CDH12: variants seen among roughly 807,000 people sequenced by gnomAD.
The protein encoded by CDH12 is cadherin-12.
CDH12 carries 41 observed loss-of-function variants against 74.1 expected under a neutral mutation model. That is an observed-to-expected ratio of 0.55 (90% confidence interval 0.43 to 0.72). The LOEUF is 0.72. Among genes scored for constraint, CDH12 ranks in the 30% least tolerant of loss-of-function variants. The pLI, the probability that CDH12 is intolerant of heterozygous loss-of-function variation, is 0.00. For synonymous variants in CDH12, 399 were observed against 355.0 expected, an observed-to-expected ratio of 1.12 and a Z score of -1.39; for missense variants, 945 against 977.2, an observed-to-expected ratio of 0.97 and a Z score of 0.44.
At chr5:22,141,127 A>T (rs933177019) in intron 4 of CDH12, 1 of 152,200 alleles carries the variant, frequency 6.6e-6, no homozygotes, top group African/African-American at 2.4e-5. Flanking sequence ...GGTAGCTTAC[A>T]GTGCTCAACA....
intron 1 of CDH12, among the ~76,000 whole-genome samples, chr5:22,767,049 A>G (rs748876620): frequency 6.6e-6 from 1 of 151,996 alleles, no homozygotes. Context: ...ACACACTTAT[A>G]TACTTTTACA....
intron 6 of CDH12, among the ~76,000 whole-genome samples, chr5:21,949,364 G>A (rs59620248): frequency 0.065 from 9,789 of 151,042 alleles, 891 homozygotes; most frequent in African/African-American, 0.2. Flanking sequence ...GCAGGAGAAT[G>A]GCGTGAACCC....
chr5:22,605,102 T>C (rs1448532674), intron 1 of CDH12, among the ~76,000 whole-genome samples: 1 of 152,208 alleles, frequency 6.6e-6, no homozygotes, highest in Non-Finnish European at 1.5e-5. Flanking sequence ...GATAATTTTA[T>C]GGGCTTCATT....
intron 1 of CDH12, among the ~76,000 whole-genome samples, chr5:22,558,143 T>C (rs751567765): frequency 6.6e-6 from 1 of 152,044 alleles, no homozygotes; most frequent in African/African-American, 2.4e-5. Context: ...AGCCAGGACC[T>C]AGTGCATATG....
intron 1 of CDH12, among the ~76,000 whole-genome samples, chr5:22,709,679 TA>T (rs1392795104): frequency 6.6e-6 from 1 of 152,166 alleles, no homozygotes; most frequent in Non-Finnish European, 1.5e-5. Flanking sequence ...GATGTTAAGT[TA>T]AAAATGAGTA....
intron 3 of CDH12, among the ~76,000 whole-genome samples, chr5:22,395,412 T>C (rs1269341284): frequency 1.3e-5 from 2 of 152,100 alleles, no homozygotes; most frequent in Non-Finnish European, 2.9e-5. Flanking sequence ...TTTTTAGTTG[T>C]TAGAGAATGA....
intron 1 of CDH12, among the ~76,000 whole-genome samples, chr5:22,713,285 C>T (rs565527949): frequency 6.6e-6 from 1 of 151,732 alleles, no homozygotes; most frequent in South Asian, 2.1e-4. Context: ...GGACTACAGG[C>T]ACAAACCACC....
At position 21,880,192 on chromosome 5, in the gene CDH12, G is replaced by T. The variant is rs79413085; in HGVS notation, c.527-25402C>A. Among the ~76,000 whole-genome samples the T allele has an allele frequency of 1.2e-3, 190 of 152,302 alleles. 3 individuals carry two copies. The East Asian group carries it at 0.035, about 28-fold the overall frequency. ...ACTTGGAAGTTTGAATAGCAGTTTTGTTCATTCCCTGAATTGTACCCTGAT... is the reference window on the plus strand; with the variant it reads ...ACTTGGAAGTTTGAATAGCAGTTTTTTTCATTCCCTGAATTGTACCCTGAT... On this transcript the variant is annotated intron_variant, in intron 6 of 14. Transcript: ENST00000382254.
intron 3 of CDH12, among the ~76,000 whole-genome samples, chr5:22,263,274 G>C (rs976352160): frequency 9.9e-5 from 15 of 152,036 alleles, no homozygotes; most frequent in African/African-American, 1.4e-4. Flanking sequence ...ATATCATTCA[G>C]AGCCTGTAAG....
intron 1 of CDH12, among the ~76,000 whole-genome samples, chr5:22,521,456 G>T (rs1737051943): frequency 6.6e-6 from 1 of 151,948 alleles, no homozygotes; most frequent in Non-Finnish European, 1.5e-5. Flanking sequence ...ATTATAGACA[G>T]GACATGTAAT....
intron 1 of CDH12, among the ~76,000 whole-genome samples, chr5:22,802,293 T>C (rs1748573886): frequency 6.6e-6 from 1 of 151,890 alleles, no homozygotes; most frequent in Non-Finnish European, 1.5e-5. Context: ...GGCTATTTTT[T>C]GTATTTTTAG....
At chr5:21,884,478 G>A (rs975386163) in intron 6 of CDH12, among the ~76,000 whole-genome samples, 3 of 152,080 alleles carry the variant, frequency 2.0e-5, no homozygotes, top group Non-Finnish European at 4.4e-5. Flanking sequence ...AATATATAAT[G>A]GTTTACTGCT....
chr5:22,771,408 A>G (rs1221512317), intron 1 of CDH12, among the ~76,000 whole-genome samples: 1 of 152,160 alleles, frequency 6.6e-6, no homozygotes, highest in Non-Finnish European at 1.5e-5. Flanking sequence ...GAAGGTTCTT[A>G]ACAAAAGCCC....
At chr5:22,727,507 C>T (rs1046128889) in intron 1 of CDH12, among the ~76,000 whole-genome samples, 1 of 151,506 alleles carries the variant, frequency 6.6e-6, no homozygotes, top group Non-Finnish European at 1.5e-5. Flanking sequence ...TTATATATGA[C>T]ATTGTTGTTT....
At chr5:22,669,844 G>T (rs1740815356) in intron 1 of CDH12, among the ~76,000 whole-genome samples, 1 of 152,154 alleles carries the variant, frequency 6.6e-6, no homozygotes. Context: ...ATGAGCAGCT[G>T]AGCTTATTTC....
intron 4 of CDH12, among the ~76,000 whole-genome samples, chr5:22,178,445 T>C (rs1749457448): frequency 6.6e-6 from 1 of 152,200 alleles, no homozygotes; most frequent in South Asian, 2.1e-4. Context: ...GTATTTCTAA[T>C]TTGTAAAACC....
At chr5:21,853,265 A>T (rs377232435) in intron 7 of CDH12, among the ~76,000 whole-genome samples, 2 of 151,684 alleles carry the variant, frequency 1.3e-5, no homozygotes, top group African/African-American at 4.8e-5. Context: ...CACTTTTAAC[A>T]TTTGACAGAC....
chr5:21,909,339 G>A (rs1223692973), intron 6 of CDH12, among the ~76,000 whole-genome samples: 2 of 152,136 alleles, frequency 1.3e-5, no homozygotes, highest in East Asian at 3.9e-4. Context: ...TAGGCCAGGG[G>A]CTACCTCAAA....
In CDH12 at chr5:22,507,751, T is replaced by C. The variant is rs139414559; in HGVS notation, c.-522-2387A>G. Reference sequence around the variant, plus strand: ...AAGTAATTACCATAAATGTAGTAGCTTAAAGCAACAGAAACTTATCCTCTC... The same window carrying C: ...AAGTAATTACCATAAATGTAGTAGCCTAAAGCAACAGAAACTTATCCTCTC... On this transcript the variant is annotated intron_variant, in intron 1 of 14. Coordinates refer to ENST00000382254, the MANE Select transcript of CDH12 (RefSeq NM_004061.5). 6.6e-5 allele frequency among the ~76,000 whole-genome samples: 10 copies of C among 152,302 alleles called. No homozygotes were observed. In the East Asian group the frequency reaches 1.9e-3, roughly 29 times the overall value.
Sources: gnomAD v4.1 joint callset for allele counts (sites outside exome capture counted in the v4.1 genomes callset) on GRCh38, gnomAD v4.1.1 for gene constraint, MANE v1.5 for transcripts, NCBI Gene and HGNC (gene_info 2026-07-23, HGNC 2026-07-21) for gene names.